TENM3: variants seen among roughly 807,000 people sequenced by gnomAD.
TENM3 encodes the protein teneurin transmembrane protein 3.
A neutral mutation model predicts 255.1 loss-of-function variants in TENM3; 63 were observed. That is an observed-to-expected ratio of 0.25 (90% CI 0.20 to 0.30). TENM3 has a LOEUF of 0.30. Ranked by LOEUF, TENM3 falls within the 10% of genes least tolerant of loss-of-function variation. The pLI is 1.00. For synonymous variants in TENM3, 1,306 were observed against 1,322.3 expected (o/e 0.99, Z 0.27); for missense variants, 2,929 against 3,461.1 (o/e 0.85, Z 3.86).
At chr4:181,770,536 G>A in the TENM3 span, among the ~76,000 whole-genome samples, 11 of 152,102 alleles carry the variant, frequency 7.2e-5, no homozygotes, top group African/African-American at 1.4e-4. Flanking sequence ...TTAGATGGGC[G>A]TGGTGGCGGG....
intron 3 of TENM3, among the ~76,000 whole-genome samples, chr4:182,529,649 C>G (rs115265327): frequency 4.8e-4 from 73 of 152,274 alleles, no homozygotes; most frequent in African/African-American, 1.7e-3. Context: ...CCAGGGAGCA[C>G]TCCTTTTTCC....
chr4:182,255,200 TAGAC>T (rs1334599205), intron 1 of TENM3, among the ~76,000 whole-genome samples: 9 of 152,166 alleles, frequency 5.9e-5, no homozygotes, highest in Non-Finnish European at 1.2e-4. Flanking sequence ...TTGCACATGT[TAGAC>T]AGATCTGTAT....
rs77224442 is a variant in TENM3 at position 182,748,078 on chromosome 4, C to T, written c.3630-3722C>T. Reference sequence around the variant, plus strand: ...ATTATGACAAAATAAATGAGCAAATCCAGCCTGCACTTACCACTGGATCTG... The same window carrying T: ...ATTATGACAAAATAAATGAGCAAATTCAGCCTGCACTTACCACTGGATCTG... On this transcript the variant is annotated intron_variant, in intron 19 of 27. Transcript: ENST00000511685. Among the ~76,000 whole-genome samples, 7 of 152,248 alleles carry T rather than the reference C, an allele frequency of 4.6e-5. No individual in the cohort carries two copies. The East Asian group carries it at 1.2e-3, about 25-fold the overall frequency.
At chr4:182,244,054 C>T (rs191685985) in intron 1 of TENM3, among the ~76,000 whole-genome samples, 5 of 148,176 alleles carry the variant, frequency 3.4e-5, no homozygotes, top group Non-Finnish European at 7.4e-5. Flanking sequence ...CCCGGGTTCA[C>T]GCCATTCTCC....
In TENM3 at chr4:182,362,193, T is replaced by A. The variant is rs550412711; in HGVS notation, c.511+15264T>A. Among the ~76,000 whole-genome samples, 4 of 152,234 alleles carry A rather than the reference T, an allele frequency of 2.6e-5. No homozygotes were observed. The East Asian group carries it at 5.8e-4, about 22-fold the overall frequency. The stretch of plus-strand genomic sequence containing the variant: ...GTCAGGGACCCACTTGAGGAGGCAG[T>A]CTGCCCGTTCTCAGATCTCCAGCTG... On this transcript the variant is annotated intron_variant, in intron 3 of 27. Coordinates refer to ENST00000511685, the MANE Select transcript of TENM3 (RefSeq NM_001080477.4).
At chr4:182,413,411 G>A (rs1287337285) in intron 3 of TENM3, among the ~76,000 whole-genome samples, 1 of 152,112 alleles carries the variant, frequency 6.6e-6, no homozygotes, top group African/African-American at 2.4e-5. Context: ...AACGTCAGGA[G>A]TCTGAGAACA....
intron 3 of TENM3, among the ~76,000 whole-genome samples, chr4:182,390,428 A>C (rs1020401284): frequency 6.6e-6 from 1 of 152,046 alleles, no homozygotes; most frequent in African/African-American, 2.4e-5. Flanking sequence ...GTTGCCAAGG[A>C]CTCCTCTGAG....
At chr4:182,000,801 G>T in the TENM3 span, among the ~76,000 whole-genome samples, 7 of 150,052 alleles carry the variant, frequency 4.7e-5, no homozygotes, top group Admixed American at 2.6e-4. Flanking sequence ...GCGATGTTAG[G>T]CTTTGTTAGA....
intron 1 of TENM3, among the ~76,000 whole-genome samples, chr4:182,214,835 CT>C (rs1029680932): frequency 1.3e-5 from 2 of 151,942 alleles, no homozygotes; most frequent in African/African-American, 2.4e-5. Flanking sequence ...AAGGAGCATT[CT>C]TTTTTTTATA....
At chr4:181,622,167 G>T in the TENM3 span, among the ~76,000 whole-genome samples, 2 of 152,086 alleles carry the variant, frequency 1.3e-5, no homozygotes, top group African/African-American at 4.8e-5. Flanking sequence ...TGTCCTACAT[G>T]GTCAACTGGT....
chr4:182,248,906 C>T (rs1757820238), intron 1 of TENM3, among the ~76,000 whole-genome samples: 1 of 152,168 alleles, frequency 6.6e-6, no homozygotes, highest in Non-Finnish European at 1.5e-5. Flanking sequence ...CACCTTTAGG[C>T]CTCTAAAACC....
chr4:182,147,500 G>A (rs1156759972), intron 1 of TENM3, among the ~76,000 whole-genome samples: 1 of 152,062 alleles, frequency 6.6e-6, no homozygotes, highest in Non-Finnish European at 1.5e-5. Context: ...TCTGGATGGT[G>A]GTTGAATATC....
the TENM3 span, among the ~76,000 whole-genome samples, chr4:181,631,989 A>G: frequency 6.6e-6 from 1 of 152,206 alleles, no homozygotes; most frequent in African/African-American, 2.4e-5. Flanking sequence ...AGTTTTTTAG[A>G]GTAAGATAAA....
chr4:181,653,887 C>A, the TENM3 span, among the ~76,000 whole-genome samples: 1 of 151,830 alleles, frequency 6.6e-6, no homozygotes, highest in Non-Finnish European at 1.5e-5. Context: ...CAACAGACCC[C>A]GGTGTGTGAT....
chr4:181,885,888 G>A, the TENM3 span, among the ~76,000 whole-genome samples: 3 of 152,028 alleles, frequency 2.0e-5, no homozygotes, highest in Non-Finnish European at 4.4e-5. Flanking sequence ...AATATTAAAA[G>A]CTAGTTAATC....
At chr4:182,018,666 C>T in the TENM3 span, among the ~76,000 whole-genome samples, 1 of 152,072 alleles carries the variant, frequency 6.6e-6, no homozygotes, top group Non-Finnish European at 1.5e-5. Flanking sequence ...TTTCAGATTC[C>T]TTACATGCTT....
the TENM3 span, among the ~76,000 whole-genome samples, chr4:181,915,540 A>T: frequency 2.6e-5 from 4 of 152,248 alleles, no homozygotes; most frequent in East Asian, 7.7e-4. Flanking sequence ...AAAAGATGAG[A>T]CAATAATTGA....
chr4:182,792,833 A>T lies in TENM3; in HGVS notation c.6161A>T (p.Glu2054Val). Residue 2054 changes from glutamate to valine, a missense_variant, in exon 26 of 28, where the codon GAG becomes GTG. Glu to Val is a moderately radical substitution (Grantham distance 121). This residue lies in a region of TENM3 where 256 missense variants were observed against 389.3 expected (regional missense o/e 0.66). Coordinates refer to ENST00000511685, the MANE Select transcript of TENM3 (RefSeq NM_001080477.4). The surrounding 1 kb of genome is among the most constrained non-coding windows in gnomAD (Gnocchi z 6.3). ...TTTGATGACATTTCTGGCAAAGTTGAGCAGTTTGGAAAGTTTGGAGTTATA... is the reference window on the plus strand; with the variant it reads ...TTTGATGACATTTCTGGCAAAGTTGTGCAGTTTGGAAAGTTTGGAGTTATA... Reference protein sequence around the residue: ...YQFDDISGKVEQFGKFGVIYY... With the variant: ...YQFDDISGKVVQFGKFGVIYY... 1 of 1,613,884 alleles carries T rather than the reference A, an allele frequency of 6.2e-7. No individual in the cohort carries two copies. The highest frequency in any genetic ancestry group is 8.5e-7 in the Non-Finnish European group (1 of 1,179,816).
At chr4:182,720,700 A>G (rs536770717) in intron 13 of TENM3, among the ~76,000 whole-genome samples, 18 of 151,888 alleles carry the variant, frequency 1.2e-4, no homozygotes, top group South Asian at 4.2e-4. Context: ...TAACCACTGC[A>G]TCTTAATGGG....
Sources: gnomAD v4.1 joint callset for allele counts (sites outside exome capture counted in the v4.1 genomes callset) on GRCh38, gnomAD v4.1.1 for gene constraint, gnomAD v4.1.1 regional missense constraint, Gnocchi (gnomAD v3.1) non-coding constraint, MANE v1.5 for transcripts, NCBI Gene and HGNC (gene_info 2026-07-23, HGNC 2026-07-21) for gene names.